The following IFT80 variants were observed in gnomAD, a reference collection of about 807,000 sequenced individuals.
The protein encoded by IFT80 is intraflagellar transport 80, also known as intraflagellar transport protein 80 homolog.
A neutral mutation model predicts 107.9 loss-of-function variants in IFT80; 79 were observed. The observed-to-expected ratio is 0.73, with a 90% CI of 0.61 to 0.88. IFT80 has a LOEUF of 0.88. Ranked by LOEUF, IFT80 falls within the 40% of genes least tolerant of loss-of-function variation. The pLI is 0.00. For missense variants in IFT80, 797 were observed against 914.2 expected, an observed-to-expected ratio of 0.87 and a Z score of 1.65; for synonymous variants, 299 against 300.9, an observed-to-expected ratio of 0.99 and a Z score of 0.07.
At chr3:160,269,887 T>A (rs1713662659) in intron 18 of IFT80, among the ~76,000 whole-genome samples, 1 of 152,244 alleles carries the variant, frequency 6.6e-6, no homozygotes, top group Admixed American at 6.5e-5. Flanking sequence ...TCAGGATTTA[T>A]CAGAGCCAAC....
rs566882965 is a variant in IFT80, at chr3:160,363,553, C to A, written c.549+2490G>T. Among the ~76,000 whole-genome samples the A allele has an allele frequency of 4.6e-5, 7 of 152,180 alleles. No individual in the cohort carries two copies. In the East Asian group the frequency reaches 1.4e-3, roughly 29 times the overall value. On this transcript the variant is annotated intron_variant, in intron 6 of 19. Transcript: ENST00000326448. ...CGGAACCAAAAAGAGCCTGCATTGCCAAGACAATCCTAAGCAAAAAGAACA... is the reference window on the plus strand; with the variant it reads ...CGGAACCAAAAAGAGCCTGCATTGCAAAGACAATCCTAAGCAAAAAGAACA...
chr3:160,318,274 C>T lies in IFT80; in HGVS notation c.957+1486G>A, dbSNP rs544235730. Among the ~76,000 whole-genome samples, 20 of 151,150 alleles carry T rather than the reference C, an allele frequency of 1.3e-4. No homozygotes were observed. In the South Asian group the frequency reaches 3.6e-3, roughly 27 times the overall value. On this transcript the variant is annotated intron_variant, in intron 9 of 19. Transcript: ENST00000326448. ...AGAATAAAGAAAAAGTATAATATAC[C>T]GAATTATTAGTAATCTAGTGACAAT...
intron 12 of IFT80, among the ~76,000 whole-genome samples, chr3:160,294,453 T>C (rs1430615018): frequency 6.6e-6 from 1 of 152,190 alleles, no homozygotes. Flanking sequence ...ACTCCTGAGC[T>C]CAAGTGATCC....
intron 8 of IFT80, among the ~76,000 whole-genome samples, chr3:160,327,539 C>G (rs1033125577): frequency 6.6e-6 from 1 of 152,158 alleles, no homozygotes. Flanking sequence ...CTACAACTAT[C>G]TGATCTTCAA....
At chr3:160,312,559 T>A (rs1462461258) in intron 9 of IFT80, among the ~76,000 whole-genome samples, 1 of 113,970 alleles carries the variant, frequency 8.8e-6, no homozygotes, top group African/African-American at 3.4e-5. Flanking sequence ...TGTGTTTGAG[T>A]CCAGATGAGT....
chr3:160,381,792 C>A lies in IFT80; in HGVS notation c.38-68G>T, dbSNP rs529836301. 86 of 1,267,708 alleles carry A rather than the reference C, an allele frequency of 6.8e-5. 1 individual carries two copies. Among genetic ancestry groups the A allele is most frequent in the South Asian group, 4.7e-4 (39 of 83,678 alleles). 78.5% of individuals were successfully genotyped at this position (1,267,708 alleles called of 1,614,324 possible). On this transcript the variant is annotated intron_variant, in intron 2 of 19. Coordinates refer to ENST00000326448, the MANE Select transcript of IFT80 (RefSeq NM_020800.3). Reference sequence around the variant, plus strand: ...AATCTTAATGAATAATTCACAGATGCAGATTATAAGGTATAAGTAAAATAG... The same window carrying A: ...AATCTTAATGAATAATTCACAGATGAAGATTATAAGGTATAAGTAAAATAG...
intron 9 of IFT80, among the ~76,000 whole-genome samples, chr3:160,312,168 G>T (rs578063948): frequency 1.4e-4 from 22 of 152,116 alleles, no homozygotes; most frequent in Non-Finnish European, 1.5e-4. Context: ...ATGACTGCAG[G>T]TTGTGTAGTG....
At chr3:160,372,169 T>G (rs1711572605) in intron 5 of IFT80, among the ~76,000 whole-genome samples, 1 of 152,204 alleles carries the variant, frequency 6.6e-6, no homozygotes, top group South Asian at 2.1e-4. Flanking sequence ...ATAAGTATAA[T>G]GAACACACAT....
chr3:160,312,932 T>TAATATATAATAAATATATATTATATATA (rs1717479998), intron 9 of IFT80, among the ~76,000 whole-genome samples: 1 of 43,492 alleles, frequency 2.3e-5, no homozygotes, highest in Non-Finnish European at 3.8e-5. Flanking sequence ...TATAAATATA[T>TAATATATAATAAATATATATTATATATA]AATATATAAT....
intron 8 of IFT80, among the ~76,000 whole-genome samples, chr3:160,350,478 C>G (rs998240158): frequency 6.7e-6 from 1 of 149,872 alleles, no homozygotes; most frequent in Non-Finnish European, 1.5e-5. Flanking sequence ...TCAAAATGCT[C>G]ATAGCATTTA....
chr3:160,301,109 T>A, intron 11 of IFT80, 63 bp from the exon 12 acceptor site: 1 of 1,394,706 alleles, frequency 7.2e-7, no homozygotes, highest in Non-Finnish European at 9.8e-7. Flanking sequence ...TGTTTTCATA[T>A]TACAGAATAG....
chr3:160,373,336 G>A (rs376807679), intron 5 of IFT80, among the ~76,000 whole-genome samples: 3 of 152,236 alleles, frequency 2.0e-5, no homozygotes, highest in South Asian at 2.1e-4. Flanking sequence ...TTCCAAGTCT[G>A]GAGACTCTGA....
At chr3:160,287,225 A>G (rs1241864798) in intron 12 of IFT80, among the ~76,000 whole-genome samples, 4 of 152,164 alleles carry the variant, frequency 2.6e-5, no homozygotes. Flanking sequence ...CTGTAATAAT[A>G]AGTATAGCTT....
At chr3:160,376,494 G>T (rs1485083178) in intron 4 of IFT80, among the ~76,000 whole-genome samples, 5 of 152,178 alleles carry the variant, frequency 3.3e-5, no homozygotes, top group Non-Finnish European at 4.4e-5. Flanking sequence ...ATTCACTGAG[G>T]AAAGTCCTAG....
chr3:160,387,703 T>C (rs1461409958), intron 1 of IFT80, among the ~76,000 whole-genome samples: 1 of 152,132 alleles, frequency 6.6e-6, no homozygotes, highest in African/African-American at 2.4e-5. Context: ...TGAGATATAA[T>C]ACAGTAAGTC....
At chr3:160,371,618 T>C (rs1299531598) in intron 5 of IFT80, among the ~76,000 whole-genome samples, 2 of 152,110 alleles carry the variant, frequency 1.3e-5, no homozygotes, top group African/African-American at 4.8e-5. Context: ...AACTTTTGTA[T>C]TTTTTGTACA....
chr3:160,268,459 A>G lies in IFT80; in HGVS notation c.2177T>C (p.Phe726Ser). 1 of 1,613,588 alleles carries G rather than the reference A, an allele frequency of 6.2e-7. No homozygotes were observed. The highest frequency in any genetic ancestry group is 8.5e-7 in the Non-Finnish European group (1 of 1,179,608). ...TCGTTTATTAGTTTCCTGTTTACCA[A>G]ATGTCTCCAAAAACTTTTGACGGTA... ...LAYRQKFLET[F>S]GKQETNKRYL... is the part of the protein sequence containing the mutation. Residue 726 changes from phenylalanine to serine, a missense_variant, in exon 19 of 20, where the codon TTT becomes TCT. By Grantham distance (155) the Phe-to-Ser change is radical (BLOSUM62 -2). Transcript: ENST00000326448.
intron 9 of IFT80, among the ~76,000 whole-genome samples, chr3:160,312,381 CT>C (rs939673800): frequency 2.7e-5 from 4 of 150,708 alleles, no homozygotes; most frequent in African/African-American, 9.8e-5. Context: ...CAAACAGACA[CT>C]TGGATCTAGT....
chr3:160,365,954 ACCC>A, intron 6 of IFT80, 86 bp downstream of exon 6: 1 of 921,648 alleles, frequency 1.1e-6, no homozygotes, highest in Non-Finnish European at 1.8e-6. Context: ...TAAAAAGACC[ACCC>A]AGAAGAAAGA....
Sources: allele counts gnomAD v4.1 joint callset (sites outside exome capture counted in the v4.1 genomes callset), GRCh38; gene constraint gnomAD v4.1.1; transcripts MANE v1.5; gene names NCBI Gene and HGNC (gene_info 2026-07-23, HGNC 2026-07-21).